AGAP1: variants seen among roughly 807,000 people sequenced by gnomAD.
The protein encoded by AGAP1 is arf-GAP with GTPase, ANK repeat and PH domain-containing protein 1.
In AGAP1, 29 loss-of-function variants were observed where a neutral mutation model predicts 105.3. The observed-to-expected ratio is 0.28, with a 90% CI of 0.21 to 0.38. The LOEUF is 0.38. Among genes scored for constraint, AGAP1 ranks in the 10% least tolerant of loss-of-function variants. The pLI, the probability that AGAP1 is intolerant of heterozygous loss-of-function variation, is 1.00. For missense variants in AGAP1, 998 were observed against 1,165.1 expected, an observed-to-expected ratio of 0.86 and a Z score of 2.09; for synonymous variants, 509 against 485.9, an observed-to-expected ratio of 1.05 and a Z score of -0.63.
intron 1 of AGAP1, among the ~76,000 whole-genome samples, chr2:235,666,908 T>C (rs1948144901): frequency 6.6e-6 from 1 of 152,114 alleles, no homozygotes; most frequent in African/African-American, 2.4e-5. Flanking sequence ...ACAGTGAGAA[T>C]TGACCTCCCC....
At chr2:235,835,510 C>T (rs1206693627) in intron 9 of AGAP1, among the ~76,000 whole-genome samples, 1 of 152,194 alleles carries the variant, frequency 6.6e-6, no homozygotes, top group African/African-American at 2.4e-5. Flanking sequence ...CATTCTTATT[C>T]ATCTGAGGTG....
At chr2:235,509,434 T>G (rs1236552814) in intron 1 of AGAP1, among the ~76,000 whole-genome samples, 1 of 152,102 alleles carries the variant, frequency 6.6e-6, no homozygotes, top group East Asian at 1.9e-4. Flanking sequence ...GGTTTCACCA[T>G]GTTGGCCAGG....
rs2054733820 is a variant in AGAP1 at position 235,973,411 on chromosome 2, G to A, written c.1645+4788G>A. Among the ~76,000 whole-genome samples, 1 of 152,200 alleles carries A rather than the reference G, an allele frequency of 6.6e-6. No homozygotes were observed. Among genetic ancestry groups the A allele is most frequent in the Admixed American group, 6.5e-5 (1 of 15,272 alleles). Reference sequence around the variant, plus strand: ...GAGGATTACCAGGAGATGTGTGGATGACAGAGCCCGTCGCTAGGCTCTTAT... The same window carrying A: ...GAGGATTACCAGGAGATGTGTGGATAACAGAGCCCGTCGCTAGGCTCTTAT... On this transcript the variant is annotated intron_variant, in intron 13 of 17. Coordinates refer to ENST00000304032, the MANE Select transcript of AGAP1 (RefSeq NM_001037131.3). The surrounding 1 kb of genome is among the most constrained non-coding windows in gnomAD (Gnocchi z 4.7).
intron 9 of AGAP1, among the ~76,000 whole-genome samples, chr2:235,816,979 T>A (rs1338051141): frequency 6.6e-6 from 1 of 152,202 alleles, no homozygotes; most frequent in Non-Finnish European, 1.5e-5. Context: ...ATTTAACAGT[T>A]CCTGACAGCA....
At chr2:235,607,027 C>T (rs1320119105) in intron 1 of AGAP1, among the ~76,000 whole-genome samples, 2 of 149,348 alleles carry the variant, frequency 1.3e-5, no homozygotes, top group Non-Finnish European at 3.0e-5. Flanking sequence ...ATTATCTCAT[C>T]TGGCCCATGA....
In AGAP1 at chr2:235,799,717, C is replaced by T. The variant is rs1015563900; in HGVS notation, c.957+195C>T. On this transcript the variant is annotated intron_variant, in intron 8 of 17. Coordinates refer to ENST00000304032, the MANE Select transcript of AGAP1 (RefSeq NM_001037131.3). This position sits in a 1 kb window ranked among gnomAD's most constrained non-coding sequence, Gnocchi z 5.0. ...ATGTTGAGTAGAATGGGAATTTCTT[C>T]ATGTAGACATTCCTGACTTCGTGTG... 1.3e-5 allele frequency among the ~76,000 whole-genome samples: 2 copies of T among 152,124 alleles called. No individual in the cohort carries two copies. Among genetic ancestry groups the T allele is most frequent in the African/African-American group, 4.8e-5 (2 of 41,422 alleles).
rs112598962 is a variant in AGAP1, at chr2:236,069,526, T to C, written c.2114+20245T>C. ...GCAACCTCTGCCTCCCAGGTTCAAG[T>C]GATTCTCCTGCCTCAGCCTCCCAAA... On this transcript the variant is annotated intron_variant, in intron 16 of 17. Transcript: ENST00000304032. 2.2e-3 allele frequency among the ~76,000 whole-genome samples: 337 copies of C among 152,266 alleles called. 1 individual carries two copies. The highest frequency in any genetic ancestry group is 7.7e-3 in the African/African-American group (321 of 41,562).
chr2:235,499,532 T>C lies in AGAP1; in HGVS notation c.163+4683T>C, dbSNP rs145510936. Among the ~76,000 whole-genome samples, 13 of 152,302 alleles carry C rather than the reference T, an allele frequency of 8.5e-5. No homozygotes were observed. In the East Asian group the frequency reaches 1.4e-3, roughly 16 times the overall value. On this transcript the variant is annotated intron_variant, in intron 1 of 17. Transcript: ENST00000304032. ...TTAAAAATAACACTCAGTTGGCTTT[T>C]AGTTGCTTCCAGGTGAGCTCTCGTA...
intron 15 of AGAP1, among the ~76,000 whole-genome samples, chr2:236,043,793 AAG>A (rs1396848273): frequency 6.6e-6 from 1 of 152,110 alleles, no homozygotes; most frequent in Non-Finnish European, 1.5e-5. Context: ...TAAAATGAAA[AAG>A]GGGTATGACA....
At chr2:235,643,606 G>A (rs1355755590) in intron 1 of AGAP1, among the ~76,000 whole-genome samples, 2 of 151,634 alleles carry the variant, frequency 1.3e-5, no homozygotes, top group Admixed American at 1.3e-4. Flanking sequence ...AGATCTAACT[G>A]TTTAGTGTTG....
At chr2:235,688,322 G>A (rs1296781306) in intron 1 of AGAP1, among the ~76,000 whole-genome samples, 1 of 152,178 alleles carries the variant, frequency 6.6e-6, no homozygotes, top group Non-Finnish European at 1.5e-5. Context: ...GGTCTGTGGT[G>A]TCTGTTTGGG....
intron 5 of AGAP1, among the ~76,000 whole-genome samples, chr2:235,748,423 A>T (rs958521738): frequency 4.8e-5 from 7 of 146,586 alleles, no homozygotes; most frequent in East Asian, 4.1e-4. Flanking sequence ...GTTTATACTT[A>T]AAAAAAAAAC....
chr2:235,916,757 AAAGC>A (rs2051905188), intron 11 of AGAP1, among the ~76,000 whole-genome samples: 1 of 152,256 alleles, frequency 6.6e-6, no homozygotes, highest in African/African-American at 2.4e-5. Context: ...GGTTATGCCA[AAAGC>A]AAGGAAGAGG....
At chr2:235,768,314 A>C (rs555725086) in intron 6 of AGAP1, among the ~76,000 whole-genome samples, 1 of 152,212 alleles carries the variant, frequency 6.6e-6, no homozygotes, top group Non-Finnish European at 1.5e-5. Flanking sequence ...AGTACCTCAA[A>C]TGAGAAATAG....
chr2:235,965,978 C>T lies in AGAP1; in HGVS notation c.1484-2484C>T, dbSNP rs1442318399. Among the ~76,000 whole-genome samples the T allele has an allele frequency of 1.3e-5, 2 of 150,774 alleles. No individual in the cohort carries two copies. Among genetic ancestry groups the T allele is most frequent in the Non-Finnish European group, 3.0e-5 (2 of 67,766 alleles). On this transcript the variant is annotated intron_variant, in intron 12 of 17. Transcript: ENST00000304032. The surrounding 1 kb of genome is among the most constrained non-coding windows in gnomAD (Gnocchi z 5.8). ...AGGGATGGAGAGAGGGGAGTCCGTT[C>T]CTCTGGGGATGGAGAGAGGGAGCCC...
chr2:236,084,767 G>A (rs1051464808), intron 16 of AGAP1, among the ~76,000 whole-genome samples: 1 of 152,000 alleles, frequency 6.6e-6, no homozygotes, highest in African/African-American at 2.4e-5. Flanking sequence ...AGCCAGGCAT[G>A]GTGGTGGGCG....
At chr2:235,536,179 A>ACACAC (rs59913364) in intron 1 of AGAP1, among the ~76,000 whole-genome samples, 1 of 87,230 alleles carries the variant, frequency 1.1e-5, no homozygotes. Context: ...ACACACACAC[A>ACACAC]GCAGGACCCC....
rs1956717121 is a variant in AGAP1 at position 235,787,441 on chromosome 2, A to G, written c.674-10318A>G. ...GCATCATAGACACACGCCTCTCTTT[A>G]TAGCACTTTCTATATCCCACATGCT... is the stretch of plus-strand genomic sequence containing the variant. On this transcript the variant is annotated intron_variant, in intron 6 of 17. Transcript: ENST00000304032. This position sits in a 1 kb window ranked among gnomAD's most constrained non-coding sequence, Gnocchi z 4.4. 6.6e-6 allele frequency among the ~76,000 whole-genome samples: 1 copy of G among 152,186 alleles called. No homozygotes were observed. The highest frequency in any genetic ancestry group is 6.5e-5 in the Admixed American group (1 of 15,286).
In AGAP1 at chr2:235,590,680, T is replaced by TGCGC. The variant is rs199873607; in HGVS notation, c.163+95832_163+95833insCGCG. On this transcript the variant is annotated intron_variant, in intron 1 of 17. Transcript: ENST00000304032. ...TTTTGTTTTAATGTGTGTGTGTGTGTGTGTGCGTGTGCGTGTGTGTGTGTG... is the reference window on the plus strand; with the variant it reads ...TTTTGTTTTAATGTGTGTGTGTGTGTGCGCGTGTGCGTGTGCGTGTGTGTGTGTG... Among the ~76,000 whole-genome samples the TGCGC allele has an allele frequency of 3.4e-5, 4 of 116,570 alleles. No homozygotes were observed. In the South Asian group the frequency reaches 1.2e-3, roughly 35 times the overall value. 76.5% of individuals were successfully genotyped at this position (116,570 alleles called of 152,430 possible). A position where few individuals can be genotyped will look rare whatever the true frequency, so the allele number is the denominator to read the frequency against.
Sources: gnomAD v4.1 joint callset for allele counts (sites outside exome capture counted in the v4.1 genomes callset) on GRCh38, gnomAD v4.1.1 for gene constraint, Gnocchi (gnomAD v3.1) non-coding constraint, MANE v1.5 for transcripts, NCBI Gene and HGNC (gene_info 2026-07-23, HGNC 2026-07-21) for gene names.